Variants in PGLYRP2 observed in about 807,000 individuals in gnomAD.
PGLYRP2 encodes N-acetylmuramoyl-L-alanine amidase.
A neutral mutation model predicts 46.2 loss-of-function variants in PGLYRP2; 38 were observed. That is an observed-to-expected ratio of 0.82 (90% CI 0.64 to 1.08). The LOEUF (loss-of-function observed/expected upper bound fraction) is 1.08. Ranked by LOEUF, PGLYRP2 falls within the 50% of genes least tolerant of loss-of-function variation. The probability of loss-of-function intolerance (pLI) is 0.00; values close to 1 mark genes in which losing one functional copy is unlikely to be tolerated. For synonymous variants in PGLYRP2, 289 were observed against 329.4 expected (o/e 0.88, Z 1.33); for missense variants, 713 against 755.9 (o/e 0.94, Z 0.67).
chr19:15,469,829 T>C lies in PGLYRP2; in HGVS notation c.1444A>G (p.Ile482Val). 2.0e-6 allele frequency: 3 copies of C among 1,529,712 alleles called. No homozygotes were observed. Among genetic ancestry groups the C allele is most frequent in the Non-Finnish European group, 2.6e-6 (3 of 1,149,008 alleles). The allele number at this position is 1,529,712 out of a possible 1,614,324, so 94.8% of individuals were successfully genotyped here. The change falls in exon 4 of 5, where the codon ATA (isoleucine) becomes GTA (valine). Residue 482 changes from isoleucine to valine, a missense_variant. By Grantham distance (29) the Ile-to-Val change is conservative (BLOSUM62 3). Transcript: ENST00000340880. The surrounding 1 kb of genome is among the most constrained non-coding windows in gnomAD (Gnocchi z 4.9). ...GHNSRGFGVA[I>V]VGNYTAALPT... ...AGCGCCGCGGTGTAGTTGCCCACTATGGCCACGCCGAAGCCCCGGGAGTTG... is the reference window on the plus strand; with the variant it reads ...AGCGCCGCGGTGTAGTTGCCCACTACGGCCACGCCGAAGCCCCGGGAGTTG...
In PGLYRP2 at chr19:15,469,231, C is replaced by T. The variant is rs1254377805; in HGVS notation, c.1641+401G>A. ...GGGCAGGGGTGAGGTCAAGGTTCGG[C>T]GGGCCAGGATGAGGTGGTGCAGCCT... On this transcript the variant is annotated intron_variant, in intron 4 of 4. Transcript: ENST00000340880. This position sits in a 1 kb window ranked among gnomAD's most constrained non-coding sequence, Gnocchi z 4.9. 5.0e-6 allele frequency: 3 copies of T among 594,574 alleles called. No individual in the cohort carries two copies. Among genetic ancestry groups the T allele is most frequent in the Non-Finnish European group, 9.0e-6 (3 of 333,038 alleles). 36.8% of individuals were successfully genotyped at this position (594,574 alleles called of 1,614,324 possible).
At position 15,476,303 on chromosome 19, in the gene PGLYRP2, G is replaced by A. The variant is rs1356516958; in HGVS notation, c.367C>T (p.Pro123Ser). Residue 123 changes from proline to serine, a missense_variant, in exon 2 of 5, where the codon CCT (proline) becomes TCT (serine). Pro to Ser is a moderately conservative substitution (Grantham distance 74). Transcript: ENST00000340880. ...CCTGCCTCCAGCCCCGCCAGCAGAG[G>A]CTCCACAGCCACGGTCGAGCCATCA... The part of the protein sequence containing the change: ...APDGSTVAVE[P>S]LLAGLEAGLQ... 1 of 1,614,148 alleles carries A rather than the reference G, an allele frequency of 6.2e-7. No homozygotes were observed. Among genetic ancestry groups the A allele is most frequent in the Non-Finnish European group, 8.5e-7 (1 of 1,180,042 alleles).
At position 15,476,594 on chromosome 19, in the gene PGLYRP2, G is replaced by T; in HGVS notation, c.76C>A (p.Leu26Ile). 6.2e-7 allele frequency: 1 copy of T among 1,602,394 alleles called. No homozygotes were observed. Residue 26 changes from leucine to isoleucine, a missense_variant, in exon 2 of 5, where the codon CTC becomes ATC. Physicochemically the swap from Leu to Ile is conservative, Grantham distance 5 (BLOSUM62 2). Coordinates refer to ENST00000340880, the MANE Select transcript of PGLYRP2 (RefSeq NM_052890.4). ...AGGGCCTGGATGACAGAGTCCATGA[G>T]CAGGGGCAGGGAGGCTGCAGGAGGA... ...SDPGTASLPL[L>I]MDSVIQALAE...
chr19:15,475,481 G>A (rs1970784630), intron 2 of PGLYRP2, 57 bp downstream of exon 2: 4 of 1,475,960 alleles, frequency 2.7e-6, no homozygotes, highest in Admixed American at 4.1e-5. Flanking sequence ...AATATACGGG[G>A]TGGGGGCGTC....
In PGLYRP2 at chr19:15,469,416, G is replaced by A. The variant is rs1389452997; in HGVS notation, c.1641+216C>T. Reference sequence around the variant, plus strand: ...CTGGCTGGGTCTGGGGCTGAGCTGAGGCTGCATAGGCAGAAGTCACAGGAT... The same window carrying A: ...CTGGCTGGGTCTGGGGCTGAGCTGAAGCTGCATAGGCAGAAGTCACAGGAT... On this transcript the variant is annotated intron_variant, in intron 4 of 4. Coordinates refer to ENST00000340880, the MANE Select transcript of PGLYRP2 (RefSeq NM_052890.4). This position sits in a 1 kb window ranked among gnomAD's most constrained non-coding sequence, Gnocchi z 4.9. 2.7e-6 allele frequency: 2 copies of A among 750,702 alleles called. No homozygotes were observed. Among genetic ancestry groups the A allele is most frequent in the East Asian group, 2.7e-5 (1 of 37,452 alleles). 46.5% of individuals were successfully genotyped at this position (750,702 alleles called of 1,614,324 possible).
At chr19:15,471,755 C>G in intron 3 of PGLYRP2, 135 bp downstream of exon 3, 1 of 1,022,778 alleles carries the variant, frequency 9.8e-7, no homozygotes, top group Non-Finnish European at 1.4e-6. Flanking sequence ...CAACTTTGCT[C>G]TACCTATCAG....
chr19:15,477,433 C>T lies in PGLYRP2; in HGVS notation c.62-825G>A, dbSNP rs554076198. ...AAAAAAAATGCCAGACGCAGTGGCT[C>T]ACGCCTGTAATCCCAGCACTTTAGG... On this transcript the variant is annotated intron_variant, in intron 1 of 4. Coordinates refer to ENST00000340880, the MANE Select transcript of PGLYRP2 (RefSeq NM_052890.4). 2.3e-3 allele frequency among the ~76,000 whole-genome samples: 329 copies of T among 140,286 alleles called. 2 individuals are homozygous for T. Among genetic ancestry groups the T allele is most frequent in the Non-Finnish European group, 2.9e-3 (188 of 65,740 alleles). 92.0% of individuals were successfully genotyped at this position (140,286 alleles called of 152,430 possible). A position where few individuals can be genotyped will look rare whatever the true frequency, so the allele number is the denominator to read the frequency against.
At chr19:15,471,748 C>T in intron 3 of PGLYRP2, 142 bp downstream of exon 3, 1 of 953,936 alleles carries the variant, frequency 1.0e-6, no homozygotes, top group African/African-American at 1.7e-5. Context: ...ACCTCTCCAA[C>T]TTTGCTCTAC....
chr19:15,471,103 CTTTTTTT>C (rs71176418), intron 3 of PGLYRP2, among the ~76,000 whole-genome samples: 5 of 79,424 alleles, frequency 6.3e-5, no homozygotes, highest in African/African-American at 1.2e-4. Flanking sequence ...CCATGCCCAG[CTTTTTTT>C]TTTTTTTTTT....
Position 15,475,707 on chromosome 19 carries a change from C to T in PGLYRP2, c.963G>A (p.Gln321=), listed in dbSNP as rs780896961. 1.4e-4 allele frequency: 220 copies of T among 1,614,020 alleles called. 1 individual carries two copies. Among genetic ancestry groups the T allele is most frequent in the South Asian group, 1.2e-3 (105 of 91,084 alleles). ...DPGFRSNFRR[Q]NGAALTSASI... Reference sequence around the variant, plus strand: ...AGGCTGAAGTCAGAGCAGCACCGTTCTGCCGTCGGAAGTTGCTGCGGAACC... The same window carrying T: ...AGGCTGAAGTCAGAGCAGCACCGTTTTGCCGTCGGAAGTTGCTGCGGAACC... The change falls in exon 2 of 5, where the codon CAG becomes CAA. Residue 321 remains glutamine, a synonymous_variant. Transcript: ENST00000340880.
intron 2 of PGLYRP2, among the ~76,000 whole-genome samples, chr19:15,473,773 GACTAAT>G (rs1970770952): frequency 6.8e-6 from 1 of 147,354 alleles, no homozygotes; most frequent in African/African-American, 2.5e-5. Context: ...ACTGGTATGG[GACTAAT>G]ACCCAGAATT....
At chr19:15,477,436 G>A (rs1011049540) in intron 1 of PGLYRP2, among the ~76,000 whole-genome samples, 9 of 141,530 alleles carry the variant, frequency 6.4e-5, no homozygotes, top group African/African-American at 1.6e-4. Context: ...AGTGGCTCAC[G>A]CCTGTAATCC....
At position 15,476,353 on chromosome 19, in the gene PGLYRP2, T is replaced by C. The variant is rs1468391413; in HGVS notation, c.317A>G (p.Lys106Arg). 1 of 1,614,116 alleles carries C rather than the reference T, an allele frequency of 6.2e-7. No homozygotes were observed. Among genetic ancestry groups the C allele is most frequent in the East Asian group, 2.2e-5 (1 of 44,868 alleles). ...AGGTGCCAGCACCACCCCATATTCC[T>C]TCCCTTCTCGTACGTCATGTCGGGC... ...EVARHDVREG[K>R]EYGVVLAPDG... is the part of the protein sequence containing the mutation. The change falls in exon 2 of 5, where the codon AAG (lysine) becomes AGG (arginine). Residue 106 changes from lysine to arginine, a missense_variant. Transcript: ENST00000340880.
Position 15,469,263 on chromosome 19 carries a change from T to C in PGLYRP2, c.1641+369A>G. The C allele has an allele frequency of 1.7e-6, 1 of 600,286 alleles. No homozygotes were observed. The highest frequency in any genetic ancestry group is 2.9e-5 in the Admixed American group (1 of 34,444). The allele number at this position is 600,286 out of a possible 1,614,324, so 37.2% of individuals were successfully genotyped here. ...GGATGAGGTGGTGCAGCCTGACAGG[T>C]TGTGACTTGGGTAGAGAAGTCATGA... On this transcript the variant is annotated intron_variant, in intron 4 of 4. Coordinates refer to ENST00000340880, the MANE Select transcript of PGLYRP2 (RefSeq NM_052890.4). The surrounding 1 kb of genome is among the most constrained non-coding windows in gnomAD (Gnocchi z 4.9).
At chr19:15,471,702 C>G (rs1323147637) in intron 3 of PGLYRP2, among the ~76,000 whole-genome samples, 188 bp downstream of exon 3, 1 of 152,170 alleles carries the variant, frequency 6.6e-6, no homozygotes, top group South Asian at 2.1e-4. Flanking sequence ...TATTCCCGGT[C>G]CCTATTAAGG....
chr19:15,476,234 C>T lies in PGLYRP2; in HGVS notation c.436G>A (p.Ala146Thr), dbSNP rs376336630. 1 of 1,614,176 alleles carries T rather than the reference C, an allele frequency of 6.2e-7. No individual in the cohort carries two copies. The highest frequency in any genetic ancestry group is 1.1e-5 in the South Asian group (1 of 91,078). ...GTATCTCCAGTCTCCCAAGGGGCAG[C>T]CATGCTGTCCAAGGGCAAATTTATG... ...RVINLPLDSM[A>T]APWETGDTFP... Residue 146 changes from alanine (A) to threonine (T), a missense_variant, in exon 2 of 5, where the codon GCT becomes ACT. Transcript: ENST00000340880.
At chr19:15,470,238 TTCTTTCCTTCCTTCCTTCC>T (rs1232320502) in intron 3 of PGLYRP2, among the ~76,000 whole-genome samples, 29 of 130,518 alleles carry the variant, frequency 2.2e-4, no homozygotes, top group Non-Finnish European at 2.3e-4. Context: ...TGGGTTTTTT[TTCTTTCCTTCCTTCCTTCC>T]TTCCTTCCTT....
chr19:15,472,220 A>T (rs1265406714), intron 2 of PGLYRP2, 120 bp from the exon 3 acceptor site: 5 of 781,492 alleles, frequency 6.4e-6, no homozygotes, highest in African/African-American at 3.5e-5. Context: ...GAAAGGGTCC[A>T]GTCTCACCCC....
intron 1 of PGLYRP2, among the ~76,000 whole-genome samples, chr19:15,476,817 G>C (rs1049879059): frequency 2.6e-5 from 4 of 152,178 alleles, no homozygotes; most frequent in African/African-American, 9.6e-5. Context: ...GGGAGCCATG[G>C]CAGATTTATG....
Sources: allele counts gnomAD v4.1 joint callset (sites outside exome capture counted in the v4.1 genomes callset), GRCh38; gene constraint gnomAD v4.1.1; non-coding constraint Gnocchi (gnomAD v3.1); transcripts MANE v1.5; gene names NCBI Gene and HGNC (gene_info 2026-07-23, HGNC 2026-07-21).